CHCHD6: variants seen among roughly 807,000 people sequenced by gnomAD.
CHCHD6 encodes coiled-coil-helix-coiled-coil-helix domain containing 6.
In CHCHD6, 28 loss-of-function variants were observed where a neutral mutation model predicts 32.3. The ratio of observed to expected loss-of-function variants is 0.87; its 90% CI spans 0.64 to 1.19. CHCHD6 has a LOEUF of 1.19. Ranked by LOEUF, CHCHD6 falls within the 50% of genes most tolerant of loss-of-function variation. The pLI is 0.00. For synonymous variants in CHCHD6, 122 were observed against 117.5 expected (o/e 1.04, Z -0.25); for missense variants, 333 against 307.0 (o/e 1.08, Z -0.63).
intron 4 of CHCHD6, among the ~76,000 whole-genome samples, chr3:126,779,273 T>TC (rs1937803083): frequency 6.6e-6 from 1 of 152,104 alleles, no homozygotes; most frequent in African/African-American, 2.4e-5. Context: ...GTGCAGTGCC[T>TC]CACGCCTGTA....
Position 126,877,798 on chromosome 3 carries a change from T to G in CHCHD6, c.495+25068T>G, listed in dbSNP as rs564121971. Among the ~76,000 whole-genome samples the G allele has an allele frequency of 3.3e-5, 5 of 152,358 alleles. No homozygotes were observed. The South Asian group carries it at 1.0e-3, about 32-fold the overall frequency. ...CAGTGGTTGTGATATTGTCCTATAG[T>G]TATTAAGACATTACCATTGGCGGAA... On this transcript the variant is annotated intron_variant, in intron 5 of 7. Coordinates refer to ENST00000290913, the MANE Select transcript of CHCHD6 (RefSeq NM_032343.3).
intron 5 of CHCHD6, among the ~76,000 whole-genome samples, chr3:126,893,992 C>T (rs2077802231): frequency 6.6e-6 from 1 of 152,234 alleles, no homozygotes. Flanking sequence ...GGGCTGCAAA[C>T]ACACCTCCAG....
chr3:126,957,394 T>C (rs1245091856), intron 6 of CHCHD6, 22 bp from the exon 7 acceptor site: 2 of 1,605,652 alleles, frequency 1.2e-6, no homozygotes, highest in Non-Finnish European at 1.7e-6. Context: ...GCCCCAGGCC[T>C]GCCTGCTCTT....
chr3:126,821,802 G>A (rs187183586), intron 4 of CHCHD6, among the ~76,000 whole-genome samples: 2 of 151,338 alleles, frequency 1.3e-5, no homozygotes, highest in African/African-American at 4.9e-5. Flanking sequence ...TTGTGGTTTT[G>A]ATTTGCATTT....
intron 4 of CHCHD6, among the ~76,000 whole-genome samples, chr3:126,787,646 G>A (rs1327218998): frequency 7.9e-4 from 120 of 152,218 alleles, no homozygotes; most frequent in African/African-American, 2.8e-3. Flanking sequence ...TGGTGTATAG[G>A]AATGCTTGTG....
intron 4 of CHCHD6, among the ~76,000 whole-genome samples, chr3:126,744,968 G>A (rs770253375): frequency 4.6e-5 from 7 of 152,210 alleles, no homozygotes; most frequent in Non-Finnish European, 7.3e-5. Context: ...GAGGGCTGCT[G>A]TGCCTTCAGC....
At chr3:126,931,179 C>T (rs1413928401) in intron 6 of CHCHD6, among the ~76,000 whole-genome samples, 1 of 152,244 alleles carries the variant, frequency 6.6e-6, no homozygotes, top group Non-Finnish European at 1.5e-5. Context: ...TGACTGGCCG[C>T]ACCCCTGGGG....
intron 4 of CHCHD6, among the ~76,000 whole-genome samples, chr3:126,806,990 T>C (rs1310413623): frequency 1.5e-5 from 2 of 136,600 alleles, no homozygotes; most frequent in Non-Finnish European, 1.5e-5. Flanking sequence ...TAGATGGGAA[T>C]TGAACAGTGA....
At chr3:126,938,031 C>T (rs1256137242) in intron 6 of CHCHD6, among the ~76,000 whole-genome samples, 2 of 152,198 alleles carry the variant, frequency 1.3e-5, no homozygotes, top group Non-Finnish European at 2.9e-5. Context: ...AATTATCTTG[C>T]TGTGCAGACA....
chr3:126,904,519 C>A (rs756666787), intron 5 of CHCHD6, among the ~76,000 whole-genome samples: 18 of 152,182 alleles, frequency 1.2e-4, no homozygotes, highest in Non-Finnish European at 2.2e-4. Flanking sequence ...CAGCTATACG[C>A]TTATCTGTTG....
intron 5 of CHCHD6, among the ~76,000 whole-genome samples, chr3:126,861,707 C>G (rs1298082222): frequency 1.4e-5 from 2 of 140,550 alleles, no homozygotes; most frequent in African/African-American, 5.3e-5. Context: ...ACCTCCCCCT[C>G]CACGACCATC....
intron 5 of CHCHD6, among the ~76,000 whole-genome samples, chr3:126,866,716 C>T (rs1209413679): frequency 3.9e-5 from 6 of 152,170 alleles, no homozygotes; most frequent in African/African-American, 1.4e-4. Flanking sequence ...TTTCCTTGTC[C>T]CCCAGACTTA....
At chr3:126,747,260 C>G (rs1359976163) in intron 4 of CHCHD6, among the ~76,000 whole-genome samples, 2 of 152,136 alleles carry the variant, frequency 1.3e-5, no homozygotes, top group Non-Finnish European at 2.9e-5. Flanking sequence ...TTGGTGTGCT[C>G]TTTGTAATTG....
Position 126,787,624 on chromosome 3 carries a change from T to A in CHCHD6, c.411+54402T>A, listed in dbSNP as rs1178799668. Among the ~76,000 whole-genome samples the A allele has an allele frequency of 7.2e-5, 11 of 152,254 alleles. No homozygotes were observed. In the South Asian group the frequency reaches 2.1e-3, roughly 29 times the overall value. On this transcript the variant is annotated intron_variant, in intron 4 of 7. Transcript: ENST00000290913. ...AGTTCACTCATGATTTGGCTCTCTGTTTGTCTGTTATTGGTGTATAGGAAT... is the reference window on the plus strand; with the variant it reads ...AGTTCACTCATGATTTGGCTCTCTGATTGTCTGTTATTGGTGTATAGGAAT...
intron 4 of CHCHD6, among the ~76,000 whole-genome samples, chr3:126,806,575 T>C (rs1384493873): frequency 5.9e-5 from 9 of 152,094 alleles, no homozygotes; most frequent in Non-Finnish European, 1.3e-4. Context: ...TGTGGACAAA[T>C]AGGAACACTT....
chr3:126,833,042 T>C (rs62263281), intron 4 of CHCHD6, among the ~76,000 whole-genome samples: 28,422 of 152,224 alleles, frequency 0.19, 3,276 homozygotes, highest in Non-Finnish European at 0.27. Flanking sequence ...ATGAGGCACA[T>C]AGTGACACAG....
rs753284418 is a variant in CHCHD6 at position 126,704,326 on chromosome 3, A to G, written c.14A>G (p.Glu5Gly). The G allele has an allele frequency of 6.9e-6, 11 of 1,603,798 alleles. No homozygotes were observed. Among genetic ancestry groups the G allele is most frequent in the Non-Finnish European group, 8.5e-6 (10 of 1,177,060 alleles). ...CGGCATCTCGCCATGGGGAGCACGG[A>G]GAGCAGCGAGGGCCGCAGGGTGTCC... MGSTESSEGRRVSFG... is the reference protein window; with the variant it reads MGSTGSSEGRRVSFG... The change falls in exon 1 of 8, where the codon GAG becomes GGG. Residue 5 changes from glutamate (E) to glycine (G), a missense_variant. Glu to Gly is a moderately conservative substitution (Grantham distance 98). Transcript: ENST00000290913.
At chr3:126,918,711 A>T (rs1576601671) in intron 6 of CHCHD6, among the ~76,000 whole-genome samples, 2 of 152,324 alleles carry the variant, frequency 1.3e-5, no homozygotes, top group South Asian at 2.1e-4. Flanking sequence ...ATGAGAAGAG[A>T]GAAAAAGAGG....
intron 5 of CHCHD6, among the ~76,000 whole-genome samples, chr3:126,861,980 TCAC>T: frequency 4.9e-5 from 1 of 20,414 alleles, no homozygotes; most frequent in Non-Finnish European, 1.0e-4. Flanking sequence ...TCCTCCACCA[TCAC>T]CACCTCCCCC....
Sources: allele counts gnomAD v4.1 joint callset (sites outside exome capture counted in the v4.1 genomes callset), GRCh38; gene constraint gnomAD v4.1.1; transcripts MANE v1.5; gene names NCBI Gene and HGNC (gene_info 2026-07-23, HGNC 2026-07-21).